Variants in PCDHA3 observed in about 807,000 individuals in gnomAD.
PCDHA3 encodes protocadherin alpha 3.
A neutral mutation model predicts 62.2 loss-of-function variants in PCDHA3; 41 were observed. The observed-to-expected ratio is 0.66, with a 90% CI of 0.51 to 0.86. The LOEUF is 0.86. Among genes scored for constraint, PCDHA3 ranks in the 40% least tolerant of loss-of-function variants. PCDHA3 has a pLI of 0.00. For missense variants in PCDHA3, 1,304 were observed against 1,241.2 expected, an observed-to-expected ratio of 1.05 and a Z score of -0.76; for synonymous variants, 640 against 555.4, an observed-to-expected ratio of 1.15 and a Z score of -2.14.
At chr5:140,870,667 T>C (rs251372) in intron 1 of PCDHA3, 777,079 of 1,612,370 alleles carry the variant, frequency 0.48, 188,810 homozygotes, top group South Asian at 0.57. Context: ...GCTGCAGCCG[T>C]TGGACCACGA....
rs782026939 is a variant in PCDHA3, at chr5:140,883,016, A to T, written c.2394+79425A>T. 6.8e-6 allele frequency: 11 copies of T among 1,614,158 alleles called. No individual in the cohort carries two copies. The Admixed American group carries it at 1.7e-4, about 24-fold the overall frequency. On this transcript the variant is annotated intron_variant, in intron 1 of 3. Coordinates refer to ENST00000522353, the MANE Select transcript of PCDHA3 (RefSeq NM_018906.3). ...ATTTTACCAATCCGTTTATAAAGTG[A>T]CGGTGTTAGAGAACGCCTTCAATGG...
chr5:140,982,526 T>A lies in PCDHA3; in HGVS notation c.2505T>A (p.Pro835=). Residue 835 remains proline (P), a synonymous_variant, in exon 3 of 4, where the codon CCT becomes CCA. Coordinates refer to ENST00000522353, the MANE Select transcript of PCDHA3 (RefSeq NM_018906.3). ...TTCTACGGGCTGGTCCAGGAGGGCC[T>A]GATCAGCAGTGGCCAACAGTATCCA... ...AGILRAGPGG[P]DQQWPTVSSA... is the part of the protein sequence containing the mutation. 1.2e-6 allele frequency: 2 copies of A among 1,614,192 alleles called. No individual in the cohort carries two copies. Among genetic ancestry groups the A allele is most frequent in the Non-Finnish European group, 1.7e-6 (2 of 1,180,028 alleles).
chr5:140,894,096 C>T (rs1487747692), intron 1 of PCDHA3, among the ~76,000 whole-genome samples: 3 of 152,098 alleles, frequency 2.0e-5, no homozygotes, highest in African/African-American at 7.2e-5. Flanking sequence ...TCTTCTAGCT[C>T]CTGGTGTTGC....
At position 140,943,494 on chromosome 5, in the gene PCDHA3, A is replaced by G. The variant is rs1046059269; in HGVS notation, c.2395-35455A>G. ...TACAGTAAAATAATAAATAGATGCT[A>G]TCAAGGTTCATGGAAATGTTGAGTT... is the stretch of plus-strand genomic sequence containing the variant. On this transcript the variant is annotated intron_variant, in intron 1 of 3. Transcript: ENST00000522353. Among the ~76,000 whole-genome samples, 4 of 152,132 alleles carry G rather than the reference A, an allele frequency of 2.6e-5. No homozygotes were observed. The East Asian group carries it at 5.8e-4, about 22-fold the overall frequency.
At chr5:140,870,338 T>C in intron 1 of PCDHA3, 1 of 1,614,186 alleles carries the variant, frequency 6.2e-7, no homozygotes, top group Non-Finnish European at 8.5e-7. Context: ...GACAGCGCCC[T>C]GGACCGCGAG....
rs2150116871 is a variant in PCDHA3, at chr5:140,822,504, A to G, written c.2394+18913A>G. On this transcript the variant is annotated intron_variant, in intron 1 of 3. Transcript: ENST00000522353. ...ATGATAACGCCCCAGAATTTGATAA[A>G]TCCATTTATAATGTCAGATTGTTGG... 4 of 1,613,934 alleles carry G rather than the reference A, an allele frequency of 2.5e-6. No individual in the cohort carries two copies. The South Asian group carries it at 4.4e-5, about 18-fold the overall frequency.
At chr5:140,863,412 G>A (rs1226445956) in intron 1 of PCDHA3, 2 of 735,306 alleles carry the variant, frequency 2.7e-6, no homozygotes, top group Non-Finnish European at 4.6e-6. Flanking sequence ...CCACGCTGGT[G>A]TACCGCAGCG....
At chr5:140,999,345 C>A (rs2097854633) in intron 3 of PCDHA3, among the ~76,000 whole-genome samples, 1 of 152,178 alleles carries the variant, frequency 6.6e-6, no homozygotes, top group Non-Finnish European at 1.5e-5. Flanking sequence ...TAAGCCTTGT[C>A]TCTTTTTAAT....
intron 1 of PCDHA3, chr5:140,828,334 T>C (rs2150154149): frequency 1.9e-6 from 3 of 1,614,224 alleles, no homozygotes; most frequent in East Asian, 4.5e-5. Context: ...ATCTGCAGAA[T>C]GGCATTTTGT....
Position 140,801,818 on chromosome 5 carries a change from G to T in PCDHA3, c.621G>T (p.Lys207Asn). 1.9e-6 allele frequency: 3 copies of T among 1,614,078 alleles called. No individual in the cohort carries two copies. The highest frequency in any genetic ancestry group is 2.5e-6 in the Non-Finnish European group (3 of 1,180,032). The change falls in exon 1 of 4, where the codon AAG (lysine) becomes AAT (asparagine). Residue 207 changes from lysine to asparagine, a missense_variant. By Grantham distance (94) the Lys-to-Asn change is moderately conservative. Coordinates refer to ENST00000522353, the MANE Select transcript of PCDHA3 (RefSeq NM_018906.3). ...KKNLNREDTP[K>N]HYLLITAIDG... ...ATTTAAATCGAGAGGACACTCCTAA[G>T]CATTATTTACTAATAACAGCAATTG... is the stretch of plus-strand genomic sequence containing the variant.
intron 1 of PCDHA3, chr5:140,870,636 G>C (rs2153249494): frequency 6.2e-7 from 1 of 1,612,910 alleles, no homozygotes; most frequent in Non-Finnish European, 8.5e-7. Context: ...CGGTGCACGC[G>C]GAGAGCGGCA....
At chr5:140,978,909 C>G (rs782321430) in intron 1 of PCDHA3, 40 bp from the exon 2 acceptor site, 2 of 1,613,660 alleles carry the variant, frequency 1.2e-6, no homozygotes, top group South Asian at 2.2e-5. Context: ...AGAACATTGT[C>G]TTGTCATTTT....
chr5:140,807,821 C>T, intron 1 of PCDHA3: 1 of 1,614,090 alleles, frequency 6.2e-7, no homozygotes, highest in Non-Finnish European at 8.5e-7. Flanking sequence ...TTTTTTAGTG[C>T]TCACAGCCAC....
At chr5:140,829,572 T>C (rs1770395832) in intron 1 of PCDHA3, 2 of 1,612,506 alleles carry the variant, frequency 1.2e-6, no homozygotes, top group Non-Finnish European at 8.5e-7. Flanking sequence ...TCCTACTCGC[T>C]GGTGGAGCGG....
intron 1 of PCDHA3, chr5:140,882,397 C>T (rs1554173926): frequency 6.2e-7 from 1 of 1,614,190 alleles, no homozygotes; most frequent in South Asian, 1.1e-5. Flanking sequence ...AACACGGCAC[C>T]TTCGTGGGCC....
chr5:140,838,076 TAGTGTGTG>T (rs1775469130), intron 1 of PCDHA3, among the ~76,000 whole-genome samples: 2 of 31,122 alleles, frequency 6.4e-5, no homozygotes, highest in Admixed American at 3.1e-4. Flanking sequence ...TATATATATA[TAGTGTGTG>T]TGTGTGTGTG....
intron 3 of PCDHA3, among the ~76,000 whole-genome samples, chr5:140,985,740 T>C (rs992695405): frequency 1.9e-5 from 1 of 53,688 alleles, no homozygotes; most frequent in Admixed American, 1.9e-4. Context: ...GATGAATTCC[T>C]TTTTTTTTTT....
At chr5:140,911,909 C>G (rs113000456) in intron 1 of PCDHA3, among the ~76,000 whole-genome samples, 17,713 of 152,106 alleles carry the variant, frequency 0.12, 1,155 homozygotes, top group Middle Eastern at 0.19. Flanking sequence ...TCAGAGCTCT[C>G]TAGAGGACAG....
chr5:141,006,646 A>G (rs1478861419), intron 3 of PCDHA3, among the ~76,000 whole-genome samples: 1 of 152,206 alleles, frequency 6.6e-6, no homozygotes, highest in African/African-American at 2.4e-5. Flanking sequence ...ATAAGAGATG[A>G]TGGTGTCCTG....
Sources: allele counts gnomAD v4.1 joint callset (sites outside exome capture counted in the v4.1 genomes callset), GRCh38; gene constraint gnomAD v4.1.1; transcripts MANE v1.5; gene names NCBI Gene and HGNC (gene_info 2026-07-23, HGNC 2026-07-21).